CCNF: variants seen among roughly 807,000 people sequenced by gnomAD.
CCNF encodes the protein cyclin F.
Under a neutral mutation model 85.4 loss-of-function variants are expected in CCNF, and 30 were observed. The ratio of observed to expected loss-of-function variants is 0.35; its 90% CI spans 0.26 to 0.48. The LOEUF is 0.48. Among genes scored for constraint, CCNF ranks in the 20% least tolerant of loss-of-function variants. The pLI, the probability that CCNF is intolerant of heterozygous loss-of-function variation, is 0.99. For synonymous variants in CCNF, 439 were observed against 425.1 expected (o/e 1.03, Z -0.40); for missense variants, 919 against 1,010.4 (o/e 0.91, Z 1.23).
At chr16:2,436,001 T>G (rs2065289229) in intron 4 of CCNF, 128 bp downstream of exon 4, 10 of 589,048 alleles carry the variant, frequency 1.7e-5, no homozygotes, top group East Asian at 3.0e-5. Context: ...TGCCTCCCCA[T>G]TCCCTCTCAG....
At chr16:2,443,112 A>G (rs951602132) in intron 8 of CCNF, among the ~76,000 whole-genome samples, 2 of 132,876 alleles carry the variant, frequency 1.5e-5, no homozygotes, top group African/African-American at 5.6e-5. Context: ...TATATATAAT[A>G]TATTACATAT....
rs2065397165 is a variant in CCNF, at chr16:2,451,895, C to T, written c.1488-1315C>T. ...GGGAGACTTCACCACTTCCAGAATT[C>T]AGGCCACATCTCAACCTTGACCTGC... On this transcript the variant is annotated intron_variant, in intron 13 of 16. Coordinates refer to ENST00000397066, the MANE Select transcript of CCNF (RefSeq NM_001761.3). This position sits in a 1 kb window ranked among gnomAD's most constrained non-coding sequence, Gnocchi z 4.3. Among the ~76,000 whole-genome samples, 1 of 152,042 alleles carries T rather than the reference C, an allele frequency of 6.6e-6. No individual in the cohort carries two copies. The highest frequency in any genetic ancestry group is 6.5e-5 in the Admixed American group (1 of 15,280).
chr16:2,445,197 G>A (rs1007433041), intron 9 of CCNF, among the ~76,000 whole-genome samples: 9 of 152,138 alleles, frequency 5.9e-5, no homozygotes, highest in African/African-American at 2.2e-4. Flanking sequence ...TTCACTTTGC[G>A]TCAGGTCGAG....
At chr16:2,434,346 G>T (rs1394216950) in intron 3 of CCNF, among the ~76,000 whole-genome samples, 1 of 151,998 alleles carries the variant, frequency 6.6e-6, no homozygotes, top group Non-Finnish European at 1.5e-5. Context: ...TGGGCACAGT[G>T]GCTCACGCCT....
At chr16:2,449,492 G>C (rs561201132) in intron 12 of CCNF, 30 bp downstream of exon 12, 7 of 1,583,970 alleles carry the variant, frequency 4.4e-6, no homozygotes, top group Non-Finnish European at 6.0e-6. Flanking sequence ...AGGGATGCCT[G>C]TGTCGGGGAA....
Position 2,431,275 on chromosome 16 carries a change from C to G in CCNF, c.162C>G (p.Ala54=), listed in dbSNP as rs1316234903. ...GGCTTTCTGTAGAGGACATCCTGGCCGTCCGAGCTGTAAGTCCCTGCATGA... is the reference window on the plus strand; with the variant it reads ...GGCTTTCTGTAGAGGACATCCTGGCGGTCCGAGCTGTAAGTCCCTGCATGA... ...LKWLSVEDIL[A]VRAVHSQLKD... Residue 54 remains alanine, a synonymous_variant, in exon 2 of 17, where the codon GCC becomes GCG. Coordinates refer to ENST00000397066, the MANE Select transcript of CCNF (RefSeq NM_001761.3). 6 of 1,613,964 alleles carry G rather than the reference C, an allele frequency of 3.7e-6. No individual in the cohort carries two copies. The highest frequency in any genetic ancestry group is 5.1e-6 in the Non-Finnish European group (6 of 1,179,954).
chr16:2,443,923 C>CTT, intron 9 of CCNF, 123 bp downstream of exon 9: 4 of 751,394 alleles, frequency 5.3e-6, no homozygotes, highest in Non-Finnish European at 5.7e-6. Flanking sequence ...CCCTTATCAC[C>CTT]CTTTTTTTTT....
chr16:2,454,682 T>C (rs1406176111), intron 15 of CCNF, among the ~76,000 whole-genome samples: 1 of 152,208 alleles, frequency 6.6e-6, no homozygotes, highest in African/African-American at 2.4e-5. Context: ...CCCAGTTGGG[T>C]GTGGGTGTCA....
chr16:2,437,217 C>G lies in CCNF; in HGVS notation c.435C>G (p.Ala145=). The G allele has an allele frequency of 6.2e-7, 1 of 1,613,144 alleles. No homozygotes were observed. Among genetic ancestry groups the G allele is most frequent in the Non-Finnish European group, 8.5e-7 (1 of 1,179,604 alleles). The change falls in exon 5 of 17, where the codon GCC becomes GCG. Residue 145 remains alanine, a synonymous_variant. Coordinates refer to ENST00000397066, the MANE Select transcript of CCNF (RefSeq NM_001761.3). ...FSLAERLNVG[A]APFIWLFIRP... Reference sequence around the variant, plus strand: ...TCGCTGAGCGGCTGAATGTGGGTGCCGCACCTTTCATCTGGCTCTTCATCC... The same window carrying G: ...TCGCTGAGCGGCTGAATGTGGGTGCGGCACCTTTCATCTGGCTCTTCATCC...
rs2065310403 is a variant in CCNF, at chr16:2,439,593, C to G, written c.699+136C>G. On this transcript the variant is annotated intron_variant, in intron 7 of 16. Coordinates refer to ENST00000397066, the MANE Select transcript of CCNF (RefSeq NM_001761.3). ...CCGGTCTCTCAGCCTCCGGGAACCA[C>G]TGGTCAGTCGGCTATTCTTGGTACC... The G allele has an allele frequency of 6.7e-6, 6 of 895,232 alleles. No homozygotes were observed. The South Asian group carries it at 9.1e-5, about 14-fold the overall frequency. The allele number at this position is 895,232 out of a possible 1,614,324, so 55.5% of individuals were successfully genotyped here. A position where few individuals can be genotyped will look rare whatever the true frequency, so the allele number is the denominator to read the frequency against.
chr16:2,453,071 T>G lies in CCNF; in HGVS notation c.1488-139T>G. 2 of 721,384 alleles carry G rather than the reference T, an allele frequency of 2.8e-6. No individual in the cohort carries two copies. Among genetic ancestry groups the G allele is most frequent in the Non-Finnish European group, 4.9e-6 (2 of 407,714 alleles). 44.7% of individuals were successfully genotyped at this position (721,384 alleles called of 1,614,324 possible). On this transcript the variant is annotated intron_variant, in intron 13 of 16. Transcript: ENST00000397066. The surrounding 1 kb of genome is among the most constrained non-coding windows in gnomAD (Gnocchi z 5.6). ...TTGCTAGGTCCTGTGGTGACTGAGT[T>G]TAACCATTCGGGGAACTGCCAGGTC...
chr16:2,440,057 G>A (rs1310582170), intron 8 of CCNF, among the ~76,000 whole-genome samples: 9 of 152,188 alleles, frequency 5.9e-5, no homozygotes, highest in African/African-American at 2.2e-4. Context: ...ATCCACTCTT[G>A]CCTCTCAGCC....
chr16:2,450,603 C>G (rs12932220), intron 13 of CCNF, among the ~76,000 whole-genome samples: 108,558 of 151,978 alleles, frequency 0.71, 39,102 homozygotes, highest in East Asian at 0.86. Flanking sequence ...GCACAGGCAG[C>G]AGAACATACT....
intron 10 of CCNF, 56 bp from the exon 11 acceptor site, chr16:2,448,799 C>T: frequency 2.5e-6 from 4 of 1,578,598 alleles, no homozygotes; most frequent in Admixed American, 1.7e-5. Context: ...GTCCCTCCGC[C>T]CCACCCCTGC....
chr16:2,430,960 A>C, intron 1 of CCNF, 170 bp from the exon 2 acceptor site: 1 of 792,906 alleles, frequency 1.3e-6, no homozygotes, highest in South Asian at 1.4e-5. Flanking sequence ...CCACTCCTTT[A>C]CATAATCTTT....
intron 1 of CCNF, among the ~76,000 whole-genome samples, chr16:2,430,159 G>A (rs2065255552): frequency 6.6e-6 from 1 of 152,148 alleles, no homozygotes. Flanking sequence ...GGAGCCGGGA[G>A]CAATCGCTAG....
chr16:2,455,479 G>C lies in CCNF; in HGVS notation c.1800G>C (p.Leu600=). Residue 600 remains leucine (L), a synonymous_variant, in exon 16 of 17, where the codon CTG becomes CTC. Coordinates refer to ENST00000397066, the MANE Select transcript of CCNF (RefSeq NM_001761.3). ...TAELSSQEET[L]LGSFLDWSLD... is the part of the protein sequence containing the mutation. ...AGCTGTCCAGCCAGGAGGAGACGCT[G>C]CTGGGCAGCTTCCTCGACTGGAGCC... 1 of 1,606,472 alleles carries C rather than the reference G, an allele frequency of 6.2e-7. No individual in the cohort carries two copies. The highest frequency in any genetic ancestry group is 1.1e-5 in the South Asian group (1 of 90,762).
intron 16 of CCNF, among the ~76,000 whole-genome samples, 167 bp downstream of exon 16, chr16:2,455,731 G>A (rs1163402574): frequency 1.3e-5 from 2 of 152,168 alleles, no homozygotes; most frequent in Non-Finnish European, 1.5e-5. Flanking sequence ...CAGACATGGG[G>A]AGAGAGGAGG....
In CCNF at chr16:2,453,799, G is replaced by A. The variant is rs374100567; in HGVS notation, c.1715+262G>A. The stretch of plus-strand genomic sequence containing the variant: ...GCTCCCTGTGGAGGAAGATGGTTTC[G>A]AGCACGCGGGAGCCTAGCCTGGCTC... On this transcript the variant is annotated intron_variant, in intron 15 of 16. Coordinates refer to ENST00000397066, the MANE Select transcript of CCNF (RefSeq NM_001761.3). This position sits in a 1 kb window ranked among gnomAD's most constrained non-coding sequence, Gnocchi z 5.6. Among the ~76,000 whole-genome samples, 1 of 152,298 alleles carries A rather than the reference G, an allele frequency of 6.6e-6. No homozygotes were observed. Among genetic ancestry groups the A allele is most frequent in the South Asian group, 2.1e-4 (1 of 4,830 alleles).
Sources: gnomAD v4.1 joint callset for allele counts (sites outside exome capture counted in the v4.1 genomes callset) on GRCh38, gnomAD v4.1.1 for gene constraint, Gnocchi (gnomAD v3.1) non-coding constraint, MANE v1.5 for transcripts, NCBI Gene and HGNC (gene_info 2026-07-23, HGNC 2026-07-21) for gene names.